Variants in FOCAD observed in about 807,000 individuals in gnomAD.
FOCAD encodes KIAA1797.
In FOCAD, 198 loss-of-function variants were observed where a neutral mutation model predicts 225.6. The ratio of observed to expected loss-of-function variants is 0.88; its 90% CI spans 0.78 to 0.99. FOCAD has a LOEUF of 0.99. FOCAD is among the 50% of genes least tolerant of loss of function. The pLI is 0.00. For synonymous variants in FOCAD, 897 were observed against 755.0 expected, an observed-to-expected ratio of 1.19 and a Z score of -3.08; for missense variants, 2,713 against 2,123.6, an observed-to-expected ratio of 1.28 and a Z score of -5.46.
At chr9:20,798,731 TCTC>T (rs1821426285) in intron 11 of FOCAD, among the ~76,000 whole-genome samples, 1 of 152,162 alleles carries the variant, frequency 6.6e-6, no homozygotes, top group Non-Finnish European at 1.5e-5. Context: ...ATTTGATTCT[TCTC>T]TCTTTTCTTC....
chr9:20,822,908 G>C, intron 14 of FOCAD, 81 bp from the exon 15 acceptor site: 1 of 1,348,976 alleles, frequency 7.4e-7, no homozygotes, highest in South Asian at 1.6e-5. Flanking sequence ...AATGATGGAT[G>C]CTTTTTGTTT....
At chr9:20,827,301 A>C (rs539678077) in intron 15 of FOCAD, among the ~76,000 whole-genome samples, 1 of 152,006 alleles carries the variant, frequency 6.6e-6, no homozygotes, top group South Asian at 2.1e-4. Flanking sequence ...AAATCATATG[A>C]TGTGTTGTCT....
Position 20,888,313 on chromosome 9 carries a change from A to G in FOCAD, c.2625+3083A>G, listed in dbSNP as rs548923185. ...ACCACCATGCCCGGCTAATTTTTGTATTTTTAGTAGAGACGGGGTTTCACC... is the reference window on the plus strand; with the variant it reads ...ACCACCATGCCCGGCTAATTTTTGTGTTTTTAGTAGAGACGGGGTTTCACC... On this transcript the variant is annotated intron_variant, in intron 21 of 43. Coordinates refer to ENST00000338382, the MANE Select transcript of FOCAD (RefSeq NM_001375567.1). Among the ~76,000 whole-genome samples the G allele has an allele frequency of 2.6e-3, 398 of 151,592 alleles. 7 individuals carry two copies. The highest frequency in any genetic ancestry group is 9.3e-3 in the African/African-American group (384 of 41,364).
chr9:20,846,177 T>C (rs1827089149), intron 15 of FOCAD, among the ~76,000 whole-genome samples: 1 of 152,096 alleles, frequency 6.6e-6, no homozygotes, highest in African/African-American at 2.4e-5. Flanking sequence ...TGTCCATTCA[T>C]CTGTGGCTAC....
chr9:20,699,369 CAG>C (rs1381365516), intron 1 of FOCAD, among the ~76,000 whole-genome samples: 1 of 151,962 alleles, frequency 6.6e-6, no homozygotes, highest in African/African-American at 2.4e-5. Context: ...TTACTTAAAA[CAG>C]AGTGTTGAAA....
chr9:20,725,760 A>C (rs1395628192), intron 4 of FOCAD, among the ~76,000 whole-genome samples: 1 of 152,186 alleles, frequency 6.6e-6, no homozygotes, highest in East Asian at 1.9e-4. Context: ...TGACATTTGC[A>C]ATGATCTGGT....
intron 2 of FOCAD, among the ~76,000 whole-genome samples, chr9:20,671,033 C>T (rs1822049618): frequency 6.6e-6 from 1 of 152,136 alleles, no homozygotes. Context: ...ACATTCTCTC[C>T]TTAGAAAGAC....
intron 5 of FOCAD, among the ~76,000 whole-genome samples, chr9:20,744,006 A>C (rs1180837705): frequency 6.6e-6 from 1 of 152,216 alleles, no homozygotes; most frequent in Non-Finnish European, 1.5e-5. Context: ...CCAAGAGCAG[A>C]AGCAAACAGT....
rs539059437 is a variant in FOCAD at position 20,724,462 on chromosome 9, A to G, written c.287+3928A>G. Among the ~76,000 whole-genome samples, 4 of 152,298 alleles carry G rather than the reference A, an allele frequency of 2.6e-5. No individual in the cohort carries two copies. The South Asian group carries it at 8.3e-4, about 32-fold the overall frequency. ...AGTGGAAGGATGCTGGACATTTTAA[A>G]CAAGATTTCTTATCTGAGAATGTTC... is the stretch of plus-strand genomic sequence containing the variant. On this transcript the variant is annotated intron_variant, in intron 4 of 43. Coordinates refer to ENST00000338382, the MANE Select transcript of FOCAD (RefSeq NM_001375567.1).
chr9:20,741,350 C>A (rs1827597847), intron 5 of FOCAD, among the ~76,000 whole-genome samples: 1 of 152,098 alleles, frequency 6.6e-6, no homozygotes, highest in Non-Finnish European at 1.5e-5. Flanking sequence ...TAAACAGTAT[C>A]TCATATACTG....
chr9:20,825,958 T>C (rs1016830391), intron 15 of FOCAD, among the ~76,000 whole-genome samples: 10 of 152,138 alleles, frequency 6.6e-5, no homozygotes, highest in African/African-American at 1.9e-4. Flanking sequence ...GGCAAGAATT[T>C]AGTCTGGCTG....
At chr9:20,982,095 A>G (rs1330356166) in intron 38 of FOCAD, among the ~76,000 whole-genome samples, 1 of 152,210 alleles carries the variant, frequency 6.6e-6, no homozygotes, top group Non-Finnish European at 1.5e-5. Flanking sequence ...AATTTTACAA[A>G]GAGGTTAGAA....
chr9:20,730,330 C>G (rs992776309), intron 4 of FOCAD, among the ~76,000 whole-genome samples: 5 of 151,620 alleles, frequency 3.3e-5, no homozygotes, highest in African/African-American at 1.2e-4. Context: ...GAGAATCTTC[C>G]CCATATCTAC....
chr9:20,906,723 T>C (rs1483490928), intron 21 of FOCAD, among the ~76,000 whole-genome samples: 1 of 152,080 alleles, frequency 6.6e-6, no homozygotes, highest in East Asian at 1.9e-4. Flanking sequence ...ATAAATTTAT[T>C]ACTTCAGAAT....
intron 2 of FOCAD, among the ~76,000 whole-genome samples, chr9:20,669,435 G>A (rs966902710): frequency 5.3e-5 from 8 of 152,082 alleles, no homozygotes; most frequent in African/African-American, 1.7e-4. Flanking sequence ...ACTTATCCTC[G>A]TCAAGATTGG....
At chr9:20,948,010 G>T (rs1837342551) in intron 30 of FOCAD, among the ~76,000 whole-genome samples, 1 of 151,820 alleles carries the variant, frequency 6.6e-6, no homozygotes, top group Admixed American at 6.6e-5. Context: ...GCTCAATAGT[G>T]CAGTATTACT....
At chr9:20,756,952 G>C (rs532210692) in intron 5 of FOCAD, among the ~76,000 whole-genome samples, 2 of 151,628 alleles carry the variant, frequency 1.3e-5, no homozygotes, top group African/African-American at 4.8e-5. Flanking sequence ...TTTTTGAGAT[G>C]GAGTTTTGCT....
At chr9:20,958,870 C>T (rs1453631404) in intron 35 of FOCAD, among the ~76,000 whole-genome samples, 4 of 152,136 alleles carry the variant, frequency 2.6e-5, no homozygotes, top group Non-Finnish European at 5.9e-5. Context: ...AGCAGGACTT[C>T]ATTCTTTTTG....
At chr9:20,932,803 C>G (rs1170850200) in intron 27 of FOCAD, among the ~76,000 whole-genome samples, 2 of 152,068 alleles carry the variant, frequency 1.3e-5, no homozygotes, top group African/African-American at 4.8e-5. Context: ...AGTGATTATA[C>G]TGCTCAGAAA....
Sources: gnomAD v4.1 joint callset for allele counts (sites outside exome capture counted in the v4.1 genomes callset) on GRCh38, gnomAD v4.1.1 for gene constraint, MANE v1.5 for transcripts, NCBI Gene and HGNC (gene_info 2026-07-23, HGNC 2026-07-21) for gene names.